Variants in SP100 observed in about 807,000 individuals in gnomAD.
SP100 encodes SP100 nuclear body protein.
In SP100, 84 loss-of-function variants were observed where a neutral mutation model predicts 130.0. The observed-to-expected ratio is 0.65, with a 90% CI of 0.54 to 0.77. The LOEUF is 0.77. SP100 is among the 30% of genes least tolerant of loss of function. The probability of loss-of-function intolerance (pLI) is 0.00; values close to 1 mark genes in which losing one functional copy is unlikely to be tolerated. For missense variants in SP100, 978 were observed against 1,052.2 expected (o/e 0.93, Z 0.97); for synonymous variants, 331 against 351.7 (o/e 0.94, Z 0.66).
At chr2:230,454,334 CT>C (rs1264472008) in intron 8 of SP100, among the ~76,000 whole-genome samples, 1 of 151,580 alleles carries the variant, frequency 6.6e-6, no homozygotes, top group Non-Finnish European at 1.5e-5. Context: ...TAATTTTTGC[CT>C]TAGTTTTTCT....
chr2:230,503,245 A>T (rs1377584532), intron 20 of SP100, 135 bp downstream of exon 20: 1 of 542,462 alleles, frequency 1.8e-6, no homozygotes, highest in Non-Finnish European at 3.2e-6. Context: ...CCAGCAGTTC[A>T]TTTTAAGACC....
intron 18 of SP100, among the ~76,000 whole-genome samples, chr2:230,497,488 G>A (rs145745644): frequency 3.0e-3 from 98 of 32,420 alleles, no homozygotes; most frequent in African/African-American, 0.01. Flanking sequence ...GGAGGGGAGG[G>A]GAGGAGAGGA....
At chr2:230,501,133 T>C (rs543238939) in intron 19 of SP100, among the ~76,000 whole-genome samples, 45 of 152,072 alleles carry the variant, frequency 3.0e-4, no homozygotes, top group Admixed American at 2.1e-3. Flanking sequence ...TCCCAGCTAC[T>C]TGGGAGGCAG....
At chr2:230,500,303 G>A (rs559826410) in intron 19 of SP100, among the ~76,000 whole-genome samples, 16 of 152,216 alleles carry the variant, frequency 1.1e-4, no homozygotes, top group South Asian at 8.3e-4. Flanking sequence ...TGGAGCCAGC[G>A]AACACACAAA....
intron 2 of SP100, among the ~76,000 whole-genome samples, chr2:230,438,177 T>C (rs1038384424): frequency 3.3e-5 from 5 of 152,216 alleles, no homozygotes; most frequent in Non-Finnish European, 1.5e-5. Flanking sequence ...ATCGATATCA[T>C]CAATATTGAT....
chr2:230,439,520 G>A (rs1268547047), intron 2 of SP100, among the ~76,000 whole-genome samples: 1 of 151,890 alleles, frequency 6.6e-6, no homozygotes, highest in Non-Finnish European at 1.5e-5. Flanking sequence ...TCACCTCCTT[G>A]GTTAGGTATA....
chr2:230,416,571 T>C (rs1427284), intron 1 of SP100, among the ~76,000 whole-genome samples: 21,121 of 152,196 alleles, frequency 0.14, 1,737 homozygotes, highest in Non-Finnish European at 0.18. Flanking sequence ...GTTTTGGATT[T>C]ACTGCTCAGC....
At chr2:230,476,935 G>A (rs1014506118) in intron 17 of SP100, among the ~76,000 whole-genome samples, 6 of 151,470 alleles carry the variant, frequency 4.0e-5, no homozygotes, top group Non-Finnish European at 7.4e-5. Context: ...GTGTGATCTC[G>A]GCTTACTGCA....
chr2:230,443,549 C>T (rs1051743549), intron 3 of SP100, among the ~76,000 whole-genome samples: 2 of 152,212 alleles, frequency 1.3e-5, no homozygotes, highest in African/African-American at 4.8e-5. Context: ...TTAAAACCCA[C>T]AGGGAATTGA....
chr2:230,490,833 T>C (rs1190128028), intron 17 of SP100, among the ~76,000 whole-genome samples: 3 of 152,190 alleles, frequency 2.0e-5, no homozygotes, highest in Admixed American at 2.0e-4. Context: ...TTCTGGCTTG[T>C]AGAGTTTCTG....
At chr2:230,450,994 G>T (rs1396455096) in intron 8 of SP100, among the ~76,000 whole-genome samples, 1 of 152,258 alleles carries the variant, frequency 6.6e-6, no homozygotes, top group East Asian at 1.9e-4. Flanking sequence ...ATTTATGATG[G>T]TTAGACATAT....
chr2:230,450,118 A>G, intron 7 of SP100, 54 bp from the exon 8 acceptor site: 1 of 1,318,152 alleles, frequency 7.6e-7, no homozygotes, highest in Non-Finnish European at 1.1e-6. Flanking sequence ...CCAAATGGAA[A>G]CAGGACAGAG....
At chr2:230,531,349 C>T (rs1484309552) in intron 24 of SP100, among the ~76,000 whole-genome samples, 1 of 149,698 alleles carries the variant, frequency 6.7e-6, no homozygotes, top group African/African-American at 2.5e-5. Context: ...TGTTCTCACT[C>T]ATAGGTGGAG....
chr2:230,463,974 G>C, intron 10 of SP100, 93 bp from the exon 11 acceptor site: 1 of 828,464 alleles, frequency 1.2e-6, no homozygotes, highest in South Asian at 1.5e-5. Flanking sequence ...GGATTTTCAA[G>C]GTTTTCCAGG....
chr2:230,506,171 T>C (rs1690084063), intron 21 of SP100, 132 bp from the exon 22 acceptor site: 1 of 849,272 alleles, frequency 1.2e-6, no homozygotes, highest in African/African-American at 1.7e-5. Context: ...GCCCCTGATA[T>C]CTGACAGGAA....
intron 14 of SP100, chr2:230,469,427 G>A (rs1217898116): frequency 4.1e-6 from 2 of 486,652 alleles, no homozygotes; most frequent in Non-Finnish European, 8.1e-6. Flanking sequence ...GGTTCCCTTG[G>A]ATAAGAAACT....
chr2:230,440,529 T>C, intron 2 of SP100: 1 of 1,342,730 alleles, frequency 7.4e-7, no homozygotes, highest in Non-Finnish European at 9.6e-7. Context: ...CTAAAAACTA[T>C]AAGCAGTGCT....
At chr2:230,470,566 G>A (rs2065216830) in intron 15 of SP100, 6 of 264,814 alleles carry the variant, frequency 2.3e-5, no homozygotes, top group Non-Finnish European at 2.9e-5. Flanking sequence ...CCTTCATCAT[G>A]TAATTGGATT....
chr2:230,493,616 C>A (rs994275370), intron 17 of SP100, among the ~76,000 whole-genome samples: 1 of 151,986 alleles, frequency 6.6e-6, no homozygotes, highest in African/African-American at 2.4e-5. Flanking sequence ...GTCTAATCCC[C>A]TTTATTTGCC....
Sources: gnomAD v4.1 joint callset for allele counts (sites outside exome capture counted in the v4.1 genomes callset) on GRCh38, gnomAD v4.1.1 for gene constraint, MANE v1.5 for transcripts, NCBI Gene and HGNC (gene_info 2026-07-23, HGNC 2026-07-21) for gene names.